SREBF1: variants seen among roughly 807,000 people sequenced by gnomAD.
The protein encoded by SREBF1 is sterol regulatory element-binding protein 1.
SREBF1 carries 45 observed loss-of-function variants against 100.1 expected under a neutral mutation model. That is an observed-to-expected ratio of 0.45 (90% CI 0.35 to 0.58). The LOEUF (loss-of-function observed/expected upper bound fraction) is 0.58, where lower values mean the gene tolerates loss of function less well. Among genes scored for constraint, SREBF1 ranks in the 20% least tolerant of loss-of-function variants. SREBF1 has a pLI of 0.00. For synonymous variants in SREBF1, 657 were observed against 681.8 expected (o/e 0.96, Z 0.57); for missense variants, 1,324 against 1,539.4 (o/e 0.86, Z 2.34).
At chr17:17,834,738 G>C (rs1020927905) in intron 1 of SREBF1, among the ~76,000 whole-genome samples, 4 of 152,344 alleles carry the variant, frequency 2.6e-5, no homozygotes, top group African/African-American at 9.6e-5. Flanking sequence ...GTCTGGGCTG[G>C]GAGCGGTGGC....
chr17:17,829,205 A>AAAAAAAAAAAT (rs1210718799), intron 1 of SREBF1, among the ~76,000 whole-genome samples: 1 of 65,850 alleles, frequency 1.5e-5, no homozygotes, highest in African/African-American at 8.8e-5. Flanking sequence ...AAAAAAAAAA[A>AAAAAAAAAAAT]ATATATATAT....
At chr17:17,814,779 A>T (rs1328682850) in intron 14 of SREBF1, 32 bp from the exon 15 acceptor site, 2 of 1,610,900 alleles carry the variant, frequency 1.2e-6, no homozygotes, top group East Asian at 2.2e-5. Context: ...CTGAACCCTC[A>T]GTCACGCTGC....
chr17:17,818,503 G>T, intron 5 of SREBF1, 129 bp from the exon 6 acceptor site: 1 of 710,026 alleles, frequency 1.4e-6, no homozygotes, highest in East Asian at 2.7e-5. Context: ...CTTTGCACTT[G>T]TTCCTTCTAC....
At position 17,817,760 on chromosome 17, in the gene SREBF1, C is replaced by A; in HGVS notation, c.1340G>T (p.Gly447Val). ...QSSPLSLGSR[G>V]SGSGGSGSDS... is the part of the protein sequence containing the mutation. ...ACTGCCACTGCCACCGCTGCCACTG[C>A]CCCTGCTGCCAAGGGACAAGGGGCT... The change falls in exon 7 of 19, where the codon GGC becomes GTC. Residue 447 changes from glycine (G) to valine (V), a missense_variant. Physicochemically the swap from Gly to Val is moderately radical, Grantham distance 109. Transcript: ENST00000261646. The surrounding 1 kb of genome is among the most constrained non-coding windows in gnomAD (Gnocchi z 6.6). The A allele has an allele frequency of 2.5e-6, 4 of 1,613,700 alleles. No homozygotes were observed. Among genetic ancestry groups the A allele is most frequent in the Non-Finnish European group, 3.4e-6 (4 of 1,180,002 alleles).
rs1042742475 is a variant in SREBF1, at chr17:17,812,154, G to A, written c.*468C>T. On this transcript the variant is annotated 3_prime_UTR_variant, in exon 19 of 19. Transcript: ENST00000261646. ...AATAAAGTTTGCAAAAGGCAAAGTA[G>A]CACAGGAGCCTCAGGTCAGGAGGCT... is the stretch of plus-strand genomic sequence containing the variant. The A allele has an allele frequency of 4.6e-6, 2 of 430,864 alleles. No homozygotes were observed. Among genetic ancestry groups the A allele is most frequent in the Admixed American group, 6.6e-5 (2 of 30,136 alleles). 26.7% of individuals were successfully genotyped at this position (430,864 alleles called of 1,614,324 possible).
At position 17,814,882 on chromosome 17, in the gene SREBF1, G is replaced by A. The variant is rs2143011194; in HGVS notation, c.2555C>T (p.Ala852Val). ...ACTGATGGAGAAGCTGTAGGCAGGA[G>A]CCCCCGCAGCATCAGAACAGCTGTT... ...LLNSCSDAAG[A>V]PAYSFSISSS... Residue 852 changes from alanine (A) to valine (V), a missense_variant, in exon 14 of 19, where the codon GCT becomes GTT. By Grantham distance (64) the Ala-to-Val change is moderately conservative. Coordinates refer to ENST00000261646, the MANE Select transcript of SREBF1 (RefSeq NM_004176.5). 1 of 1,586,718 alleles carries A rather than the reference G, an allele frequency of 6.3e-7. No individual in the cohort carries two copies. The highest frequency in any genetic ancestry group is 8.6e-7 in the Non-Finnish European group (1 of 1,167,382).
Position 17,819,194 on chromosome 17 carries a change from A to T in SREBF1, c.887T>A (p.Leu296Gln). Residue 296 changes from leucine to glutamine, a missense_variant, in exon 5 of 19, where the codon CTG becomes CAG. Leu to Gln is a moderately radical substitution (Grantham distance 113). Coordinates refer to ENST00000261646, the MANE Select transcript of SREBF1 (RefSeq NM_004176.5). The part of the protein sequence containing the change: ...SGGTILATVP[L>Q]VVDAEKLPIN... ...AGGCAGCTTCTCCGCATCTACGACC[A>T]GTGGGACTGTTGCCAAGATGGTTCC... 1.2e-6 allele frequency: 2 copies of T among 1,614,194 alleles called. No individual in the cohort carries two copies. The highest frequency in any genetic ancestry group is 1.7e-6 in the Non-Finnish European group (2 of 1,180,054).
In SREBF1 at chr17:17,832,462, T is replaced by C. The variant is rs189589388; in HGVS notation, c.91+4265A>G. Among the ~76,000 whole-genome samples the C allele has an allele frequency of 2.0e-5, 3 of 152,288 alleles. No homozygotes were observed. In the East Asian group the frequency reaches 5.8e-4, roughly 29 times the overall value. On this transcript the variant is annotated intron_variant, in intron 1 of 18. Transcript: ENST00000261646. Reference sequence around the variant, plus strand: ...CAGCCTGGCCCCCTCTTATCCCTCATGTCTCTCAAGGGACCTGGCATTTCC... The same window carrying C: ...CAGCCTGGCCCCCTCTTATCCCTCACGTCTCTCAAGGGACCTGGCATTTCC...
At chr17:17,816,071 G>A in intron 11 of SREBF1, 43 bp from the exon 12 acceptor site, 1 of 1,604,040 alleles carries the variant, frequency 6.2e-7, no homozygotes, top group Non-Finnish European at 8.5e-7. Context: ...ACACAGCCTG[G>A]GGCCAGACCC....
In SREBF1 at chr17:17,817,957, T is replaced by C. The variant is rs369121847; in HGVS notation, c.1184-41A>G. ...AACAGAGCCAGGAGTAAAGGCTGGA[T>C]ATGTGACCCCAAATCAGAGCCTAGG... On this transcript the variant is annotated intron_variant, in intron 6 of 18. Transcript: ENST00000261646. This position sits in a 1 kb window ranked among gnomAD's most constrained non-coding sequence, Gnocchi z 6.6. 38 of 1,584,150 alleles carry C rather than the reference T, an allele frequency of 2.4e-5. No homozygotes were observed. The highest frequency in any genetic ancestry group is 8.3e-5 in the Admixed American group (5 of 59,964).
rs774618594 is a variant in SREBF1, at chr17:17,813,611, G to A, written c.3060C>T (p.Ser1020=). 6.3e-7 allele frequency: 1 copy of A among 1,589,108 alleles called. No individual in the cohort carries two copies. The highest frequency in any genetic ancestry group is 8.5e-7 in the Non-Finnish European group (1 of 1,173,450). The change falls in exon 17 of 19, where the codon AGC becomes AGT. Residue 1020 remains serine, a synonymous_variant. Transcript: ENST00000261646. The stretch of plus-strand genomic sequence containing the variant: ...GGAAGCTCTGTGCCAGCCGCCTCAG[G>A]CTGCTCAGGTCCCGTTGGAAGCCAC... ...ELRGFQRDLS[S]LRRLAQSFRP... is the part of the protein sequence containing the mutation.
At chr17:17,835,912 G>A (rs886306990) in intron 1 of SREBF1, among the ~76,000 whole-genome samples, 16 of 152,342 alleles carry the variant, frequency 1.1e-4, no homozygotes, top group African/African-American at 3.1e-4. Flanking sequence ...CTTAGGCCCT[G>A]CCTCGAGGCC....
rs1555568679 is a variant in SREBF1, at chr17:17,812,119, A to AATCT, written c.*499_*502dup. 3 of 422,864 alleles carry AATCT rather than the reference A, an allele frequency of 7.1e-6. No homozygotes were observed. The highest frequency in any genetic ancestry group is 1.4e-5 in the Non-Finnish European group (3 of 219,956). The allele number at this position is 422,864 out of a possible 1,614,324, so 26.2% of individuals were successfully genotyped here. ...TTTAATTCTCTGTACAAAACTTCTC[A>AATCT]ATCTATGAAAATAAAGTTTGCAAAA... On this transcript the variant is annotated 3_prime_UTR_variant, in exon 19 of 19. Coordinates refer to ENST00000261646, the MANE Select transcript of SREBF1 (RefSeq NM_004176.5).
At position 17,817,900 on chromosome 17, in the gene SREBF1, C is replaced by A. The variant is rs750912722; in HGVS notation, c.1200G>T (p.Leu400=). ...AVHKSKSLKD[L]VSACGSGGNT... is the part of the protein sequence containing the mutation. The stretch of plus-strand genomic sequence containing the variant: ...TCCCTCCACTGCCACAGGCCGACAC[C>A]AGATCCTTCAGAGATTCTGTGGGCC... Residue 400 remains leucine (L), a synonymous_variant, in exon 7 of 19, where the codon CTG becomes CTT. Coordinates refer to ENST00000261646, the MANE Select transcript of SREBF1 (RefSeq NM_004176.5). The surrounding 1 kb of genome is among the most constrained non-coding windows in gnomAD (Gnocchi z 6.6). 47 of 1,601,032 alleles carry A rather than the reference C, an allele frequency of 2.9e-5. No homozygotes were observed. Among genetic ancestry groups the A allele is most frequent in the Non-Finnish European group, 4.0e-5 (47 of 1,179,954 alleles).
chr17:17,811,820 A>G lies in SREBF1; in HGVS notation c.*802T>C, dbSNP rs529883577. On this transcript the variant is annotated 3_prime_UTR_variant, in exon 19 of 19. Coordinates refer to ENST00000261646, the MANE Select transcript of SREBF1 (RefSeq NM_004176.5). ...CAGAGCTGGGAGGTGAGAAGGGACA[A>G]CTGACCCCATGGAGGCCCTAAGGGT... 8.7e-5 allele frequency: 39 copies of G among 450,762 alleles called. No homozygotes were observed. The highest frequency in any genetic ancestry group is 1.2e-4 in the Non-Finnish European group (26 of 224,400). The allele number at this position is 450,762 out of a possible 1,614,324, so 27.9% of individuals were successfully genotyped here.
chr17:17,832,397 C>T (rs2034913984), intron 1 of SREBF1, among the ~76,000 whole-genome samples: 1 of 152,196 alleles, frequency 6.6e-6, no homozygotes, highest in Non-Finnish European at 1.5e-5. Context: ...CCCCGACTGT[C>T]CTCACATCTA....
Position 17,819,307 on chromosome 17 carries a change from C to G in SREBF1, c.846+13G>C. On this transcript the variant is annotated intron_variant, in intron 4 of 18. Coordinates refer to ENST00000261646, the MANE Select transcript of SREBF1 (RefSeq NM_004176.5). ...TAGACCCCACTCCCTTATGCCCTGC[C>G]CACGTCACCCACCGGCAAAGGCCCT... 6.2e-7 allele frequency: 1 copy of G among 1,613,598 alleles called. No individual in the cohort carries two copies. Among genetic ancestry groups the G allele is most frequent in the Non-Finnish European group, 8.5e-7 (1 of 1,180,022 alleles).
In SREBF1 at chr17:17,819,267, A is replaced by ATGTG. The variant is rs72248634; in HGVS notation, c.847-37_847-34dup. The ATGTG allele has an allele frequency of 1.2e-5, 19 of 1,603,588 alleles. No individual in the cohort carries two copies. In the African/African-American group the frequency reaches 1.9e-4, roughly 16 times the overall value. On this transcript the variant is annotated intron_variant, in intron 4 of 18. Coordinates refer to ENST00000261646, the MANE Select transcript of SREBF1 (RefSeq NM_004176.5). ...GCCAGGCACATGTTACCAGGTGGGC[A>ATGTG]TGTGTGTGTGTGTGTAGACCCCACT...
chr17:17,830,857 C>T (rs949709552), intron 1 of SREBF1, among the ~76,000 whole-genome samples: 5 of 152,210 alleles, frequency 3.3e-5, no homozygotes, highest in African/African-American at 9.6e-5. Context: ...TGCAGGCTGT[C>T]ACACACTGTC....
Sources: gnomAD v4.1 joint callset for allele counts (sites outside exome capture counted in the v4.1 genomes callset) on GRCh38, gnomAD v4.1.1 for gene constraint, Gnocchi (gnomAD v3.1) non-coding constraint, MANE v1.5 for transcripts, NCBI Gene and HGNC (gene_info 2026-07-23, HGNC 2026-07-21) for gene names.